MICU1: variants seen among roughly 807,000 people sequenced by gnomAD.
MICU1 encodes the protein calcium uptake protein 1, mitochondrial.
A neutral mutation model predicts 56.8 loss-of-function variants in MICU1; 45 were observed. The ratio of observed to expected loss-of-function variants is 0.79; its 90% CI spans 0.62 to 1.02. The LOEUF (loss-of-function observed/expected upper bound fraction) is 1.02, where lower values mean the gene tolerates loss of function less well. Ranked by LOEUF, MICU1 falls within the 50% of genes least tolerant of loss-of-function variation. MICU1 has a pLI of 0.00. For synonymous variants in MICU1, 186 were observed against 195.1 expected, an observed-to-expected ratio of 0.95 and a Z score of 0.39; for missense variants, 504 against 587.1, an observed-to-expected ratio of 0.86 and a Z score of 1.46.
At chr10:72,533,051 A>G (rs1433450017) in intron 5 of MICU1, 1 of 1,289,724 alleles carries the variant, frequency 7.8e-7, no homozygotes, top group South Asian at 1.2e-5. Context: ...TGCTTTGTAG[A>G]ACCATGCCTG....
intron 8 of MICU1, among the ~76,000 whole-genome samples, chr10:72,434,289 G>A (rs761755389): frequency 8.5e-5 from 13 of 152,062 alleles, no homozygotes; most frequent in African/African-American, 1.2e-4. Context: ...CCATCAACTC[G>A]CAGAGCATTT....
At chr10:72,443,012 C>T (rs1201286467) in intron 8 of MICU1, among the ~76,000 whole-genome samples, 1 of 152,214 alleles carries the variant, frequency 6.6e-6, no homozygotes, top group Non-Finnish European at 1.5e-5. Flanking sequence ...CTGCCTCAGC[C>T]TCCCAAAGTG....
rs762512582 is a variant in MICU1, at chr10:72,368,172, G to A, written c.*23C>T. 1 of 1,599,614 alleles carries A rather than the reference G, an allele frequency of 6.3e-7. No individual in the cohort carries two copies. The highest frequency in any genetic ancestry group is 1.7e-5 in the Admixed American group (1 of 59,190). ...GGGGTCCAGGGTACTGGGGGTGGAG[G>A]GGTCCCCTCTTGCAGTGTGGGGTTA... is the stretch of plus-strand genomic sequence containing the variant. On this transcript the variant is annotated 3_prime_UTR_variant, in exon 12 of 12. Transcript: ENST00000361114.
chr10:72,368,167 T>C lies in MICU1; in HGVS notation c.*28A>G, dbSNP rs764812921. ...CGGAGGGGGTCCAGGGTACTGGGGG[T>C]GGAGGGGTCCCCTCTTGCAGTGTGG... On this transcript the variant is annotated 3_prime_UTR_variant, in exon 12 of 12. Transcript: ENST00000361114. 3 of 1,594,482 alleles carry C rather than the reference T, an allele frequency of 1.9e-6. No homozygotes were observed. The highest frequency in any genetic ancestry group is 1.7e-5 in the Admixed American group (1 of 58,740).
At chr10:72,500,271 TATATATATATATATATATATATATATA>T (rs1866986598) in intron 6 of MICU1, among the ~76,000 whole-genome samples, 1 of 10,902 alleles carries the variant, frequency 9.2e-5, no homozygotes, top group Non-Finnish European at 3.9e-4. Flanking sequence ...CATATATATA[TATATATATATATATATATATATATATA>T]TATATTTTTT....
chr10:72,473,937 T>A (rs1429267184), intron 8 of MICU1, among the ~76,000 whole-genome samples: 1 of 151,834 alleles, frequency 6.6e-6, no homozygotes, highest in Non-Finnish European at 1.5e-5. Flanking sequence ...AAATTCCAAA[T>A]AATATTAAGG....
chr10:72,430,958 A>G (rs535784706), intron 8 of MICU1, among the ~76,000 whole-genome samples: 9 of 152,200 alleles, frequency 5.9e-5, no homozygotes, highest in African/African-American at 2.2e-4. Flanking sequence ...ATCACAGTGG[A>G]TATATTCTTT....
At chr10:72,575,040 C>T (rs1027035682) in intron 1 of MICU1, among the ~76,000 whole-genome samples, 2 of 152,190 alleles carry the variant, frequency 1.3e-5, no homozygotes, top group Admixed American at 6.5e-5. Context: ...TTAGAAAGTT[C>T]CTGAAAATGG....
chr10:72,434,740 G>T (rs2132165758), intron 8 of MICU1, among the ~76,000 whole-genome samples: 1 of 152,296 alleles, frequency 6.6e-6, no homozygotes, highest in African/African-American at 2.4e-5. Flanking sequence ...CTGAGTGCCA[G>T]TTTGCTTTCC....
intron 1 of MICU1, among the ~76,000 whole-genome samples, chr10:72,568,476 T>C (rs956345081): frequency 6.6e-6 from 1 of 152,148 alleles, no homozygotes; most frequent in African/African-American, 2.4e-5. Flanking sequence ...GGTGCTGCTG[T>C]TAGTTTTCTT....
intron 10 of MICU1, among the ~76,000 whole-genome samples, chr10:72,391,665 T>C (rs887202183): frequency 2.0e-5 from 3 of 152,146 alleles, no homozygotes; most frequent in African/African-American, 7.2e-5. Flanking sequence ...GATTTTTTTT[T>C]CAATAAATTA....
intron 10 of MICU1, among the ~76,000 whole-genome samples, chr10:72,398,875 C>T (rs1478159194): frequency 1.3e-5 from 2 of 152,306 alleles, no homozygotes; most frequent in East Asian, 1.9e-4. Context: ...CAAAAAGGAG[C>T]TGGTACCATT....
At chr10:72,547,343 C>A (rs1839921433) in intron 4 of MICU1, among the ~76,000 whole-genome samples, 1 of 152,030 alleles carries the variant, frequency 6.6e-6, no homozygotes, top group Admixed American at 6.6e-5. Flanking sequence ...CCAGCCAATG[C>A]TCTAAATTAA....
intron 8 of MICU1, among the ~76,000 whole-genome samples, chr10:72,448,157 G>C (rs867882712): frequency 9.9e-5 from 8 of 80,886 alleles, no homozygotes; most frequent in Admixed American, 2.6e-4. Context: ...GTGTCTGTGT[G>C]TGTGTATATG....
intron 5 of MICU1, among the ~76,000 whole-genome samples, chr10:72,527,080 T>C (rs560573501): frequency 1.3e-5 from 2 of 152,342 alleles, no homozygotes; most frequent in East Asian, 3.9e-4. Flanking sequence ...ATATTTTCTT[T>C]CTATAAAATG....
At chr10:72,508,105 A>C (rs780787213) in intron 6 of MICU1, 50 bp downstream of exon 6, 20 of 850,714 alleles carry the variant, frequency 2.4e-5, no homozygotes, top group Non-Finnish European at 2.9e-5. Flanking sequence ...AATTATGTTT[A>C]TAGTCCTGTA....
At chr10:72,476,851 A>C (rs1326661124) in intron 7 of MICU1, among the ~76,000 whole-genome samples, 1 of 152,234 alleles carries the variant, frequency 6.6e-6, no homozygotes, top group Non-Finnish European at 1.5e-5. Context: ...GGAACTGCCT[A>C]GCACATAGCA....
intron 1 of MICU1, among the ~76,000 whole-genome samples, chr10:72,604,064 GACAC>G (rs140410333): frequency 6.7e-6 from 1 of 149,788 alleles, no homozygotes; most frequent in East Asian, 2.0e-4. Flanking sequence ...TTTACACAAA[GACAC>G]ACACACACAC....
rs200947530 is a variant in MICU1 at position 72,498,061 on chromosome 10, T to C, written c.652+10094A>G. Among the ~76,000 whole-genome samples the C allele has an allele frequency of 1.2e-4, 18 of 152,356 alleles. No individual in the cohort carries two copies. In the East Asian group the frequency reaches 3.3e-3, roughly 28 times the overall value. On this transcript the variant is annotated intron_variant, in intron 6 of 11. Coordinates refer to ENST00000361114, the MANE Select transcript of MICU1 (RefSeq NM_001195518.2). ...TTTCTGTAGCTGTTATGGGACACCATCATTCATTCATGATTTAATGTGAAC... is the reference window on the plus strand; with the variant it reads ...TTTCTGTAGCTGTTATGGGACACCACCATTCATTCATGATTTAATGTGAAC...
Sources: gnomAD v4.1 joint callset for allele counts (sites outside exome capture counted in the v4.1 genomes callset) on GRCh38, gnomAD v4.1.1 for gene constraint, MANE v1.5 for transcripts, NCBI Gene and HGNC (gene_info 2026-07-23, HGNC 2026-07-21) for gene names.